THBS2: variants seen among roughly 807,000 people sequenced by gnomAD.
The protein encoded by THBS2 is thrombospondin-2.
In THBS2, 47 loss-of-function variants were observed where a neutral mutation model predicts 135.2. The observed-to-expected ratio is 0.35, with a 90% confidence interval of 0.28 to 0.44. THBS2 has a LOEUF of 0.44. THBS2 is among the 20% of genes least tolerant of loss of function. The probability of loss-of-function intolerance (pLI) is 1.00; values close to 1 mark genes in which losing one functional copy is unlikely to be tolerated. For missense variants in THBS2, 1,288 were observed against 1,603.1 expected, an observed-to-expected ratio of 0.80 and a Z score of 3.36; for synonymous variants, 639 against 633.8, an observed-to-expected ratio of 1.01 and a Z score of -0.12.
intron 7 of THBS2, among the ~76,000 whole-genome samples, chr6:169,238,188 A>G (rs1409018517): frequency 6.6e-6 from 1 of 152,226 alleles, no homozygotes; most frequent in Non-Finnish European, 1.5e-5. Context: ...ACGTATTTCC[A>G]TTTAACCTCT....
intron 3 of THBS2, among the ~76,000 whole-genome samples, chr6:169,247,502 T>C (rs940170045): frequency 2.0e-5 from 3 of 149,338 alleles, no homozygotes; most frequent in Non-Finnish European, 3.0e-5. Context: ...TGTATGCATC[T>C]ATATGATGTT....
chr6:169,248,460 C>A lies in THBS2; in HGVS notation c.566G>T (p.Arg189Leu). 6.2e-7 allele frequency: 1 copy of A among 1,612,462 alleles called. No individual in the cohort carries two copies. Among genetic ancestry groups the A allele is most frequent in the Non-Finnish European group, 8.5e-7 (1 of 1,178,726 alleles). The change falls in exon 3 of 22, where the codon CGG becomes CTG. Residue 189 changes from arginine to leucine, a missense_variant. Physicochemically the swap from Arg to Leu is moderately radical, Grantham distance 102. Coordinates refer to ENST00000617924, the MANE Select transcript of THBS2 (RefSeq NM_003247.5). Reference protein sequence around the residue: ...FYEHLQAEKSRMYVAKGSARE... With the variant: ...FYEHLQAEKSLMYVAKGSARE... ...GGCAGAGCCTTTGGCCACGTACATCCGGCTCTTTTCCGCCTGCAGGTGCTC... is the reference window on the plus strand; with the variant it reads ...GGCAGAGCCTTTGGCCACGTACATCAGGCTCTTTTCCGCCTGCAGGTGCTC...
At chr6:169,249,706 G>A (rs1470980817) in intron 2 of THBS2, among the ~76,000 whole-genome samples, 1 of 152,190 alleles carries the variant, frequency 6.6e-6, no homozygotes, top group Non-Finnish European at 1.5e-5. Context: ...GGCAAGAAAA[G>A]TGATCAGATC....
Position 169,232,192 on chromosome 6 carries a change from C to T in THBS2, c.1939G>A (p.Glu647Lys). The change falls in exon 13 of 22, where the codon GAG becomes AAG. Residue 647 changes from glutamate to lysine, a missense_variant. Glu to Lys is a moderately conservative substitution (Grantham distance 56). Around this residue, in one of 2 missense-constraint regions of THBS2, gnomAD observed 874 missense variants for 1,156.1 expected, o/e 0.76. Coordinates refer to ENST00000617924, the MANE Select transcript of THBS2 (RefSeq NM_003247.5). ...TTGTCCTTGCATGGGTTTTCGGGCT[C>T]ACACACCTACGGGGAGAAGGGCTGC... ...EAAKTEKQVCEPENPCKDKTH... is the reference protein window; with the variant it reads ...EAAKTEKQVCKPENPCKDKTH... The T allele has an allele frequency of 6.2e-7, 1 of 1,612,892 alleles. No homozygotes were observed. Among genetic ancestry groups the T allele is most frequent in the Middle Eastern group, 1.7e-4 (1 of 6,060 alleles).
intron 18 of THBS2, 120 bp downstream of exon 18, chr6:169,223,128 G>T: frequency 1.1e-6 from 1 of 887,270 alleles, no homozygotes; most frequent in Non-Finnish European, 1.7e-6. Context: ...TGGAAGGATG[G>T]GGGCTTCCAG....
intron 16 of THBS2, 102 bp downstream of exon 16, chr6:169,226,078 T>C: frequency 1.5e-6 from 2 of 1,326,106 alleles, no homozygotes; most frequent in Non-Finnish European, 2.1e-6. Context: ...TGGTCAGGGT[T>C]GTGCACCAGG....
At position 169,220,190 on chromosome 6, in the gene THBS2, A is replaced by C. The variant is rs375625251; in HGVS notation, c.3511+8T>G. ...CCTTCCCCACTAACCTGAAGTGCTC[A>C]CACTCACCTCTGCATTCGTACTTGA... On this transcript the variant is annotated splice_region_variant and intron_variant, in intron 21 of 21. Transcript: ENST00000617924. 3 of 1,612,500 alleles carry C rather than the reference A, an allele frequency of 1.9e-6. No homozygotes were observed. In the African/African-American group the frequency reaches 4.0e-5, roughly 22 times the overall value.
chr6:169,249,831 C>T (rs1270933729), intron 2 of THBS2, among the ~76,000 whole-genome samples: 3 of 152,126 alleles, frequency 2.0e-5, no homozygotes, highest in Non-Finnish European at 4.4e-5. Context: ...GAGACGGAGA[C>T]CATCATGGCT....
chr6:169,218,671 G>A (rs1325908377), intron 21 of THBS2, among the ~76,000 whole-genome samples: 16 of 114,112 alleles, frequency 1.4e-4, no homozygotes, highest in Admixed American at 6.1e-4. Context: ...ATGGATGGGC[G>A]GATGAGTAGA....
At chr6:169,244,917 C>G (rs1780491692) in intron 4 of THBS2, among the ~76,000 whole-genome samples, 1 of 152,226 alleles carries the variant, frequency 6.6e-6, no homozygotes, top group Non-Finnish European at 1.5e-5. Context: ...TCCTTCCTCA[C>G]AGGACGTGCA....
chr6:169,218,359 T>TGATGGATG (rs150572952), intron 21 of THBS2, among the ~76,000 whole-genome samples: 2 of 131,956 alleles, frequency 1.5e-5, no homozygotes, highest in Admixed American at 7.5e-5. Context: ...TGAGATGAAT[T>TGATGGATG]GATGGATGGA....
intron 9 of THBS2, among the ~76,000 whole-genome samples, chr6:169,236,436 CCA>C (rs1308697439): frequency 7.4e-6 from 1 of 135,434 alleles, no homozygotes; most frequent in Non-Finnish European, 1.6e-5. Context: ...CACTCCCCAT[CCA>C]CACTCATTGC....
rs1317152018 is a variant in THBS2, at chr6:169,248,859, C to A, written c.167G>T (p.Arg56Leu). The change falls in exon 3 of 22, where the codon CGC becomes CTC. Residue 56 changes from arginine (R) to leucine (L), a missense_variant. By Grantham distance (102) the Arg-to-Leu change is moderately radical. This residue lies in a region of THBS2 where 414 missense variants were observed against 447.0 expected (regional missense o/e 0.93). Transcript: ENST00000617924. ...RGPDPGVPAY[R>L]FVRFDYIPPV... Reference sequence around the variant, plus strand: ...TGGGATGTAGTCAAAGCGCACGAAGCGGTAAGCCGGCACGCCGGGGTCGGG... The same window carrying A: ...TGGGATGTAGTCAAAGCGCACGAAGAGGTAAGCCGGCACGCCGGGGTCGGG... 6.2e-7 allele frequency: 1 copy of A among 1,611,938 alleles called. No individual in the cohort carries two copies. Among genetic ancestry groups the A allele is most frequent in the Non-Finnish European group, 8.5e-7 (1 of 1,180,012 alleles).
chr6:169,236,470 CACTCCCCA>C (rs1410614714), intron 9 of THBS2, among the ~76,000 whole-genome samples: 3 of 106,096 alleles, frequency 2.8e-5, no homozygotes, highest in African/African-American at 9.6e-5. Flanking sequence ...CATCCACACT[CACTCCCCA>C]TCCACACTCA....
intron 21 of THBS2, among the ~76,000 whole-genome samples, chr6:169,218,638 G>A (rs1490846664): frequency 3.1e-5 from 3 of 95,888 alleles, no homozygotes; most frequent in Non-Finnish European, 7.5e-5. Flanking sequence ...TGGATGAGAT[G>A]GATGGTTGGG....
intron 9 of THBS2, among the ~76,000 whole-genome samples, chr6:169,236,181 TCC>T (rs1562359900): frequency 3.2e-5 from 2 of 62,644 alleles, no homozygotes; most frequent in Non-Finnish European, 3.0e-5. Flanking sequence ...CCACACTCAT[TCC>T]CCATCCACAC....
chr6:169,253,578 T>G (rs1371144474), intron 1 of THBS2, 146 bp downstream of exon 1: 1 of 152,226 alleles, frequency 6.6e-6, no homozygotes, highest in Non-Finnish European at 1.5e-5. Flanking sequence ...ACACTTGCCA[T>G]TTAGTGTTAA....
At chr6:169,247,563 GGTAT>G (rs1254077022) in intron 3 of THBS2, among the ~76,000 whole-genome samples, 3 of 152,060 alleles carry the variant, frequency 2.0e-5, no homozygotes, top group Non-Finnish European at 4.4e-5. Flanking sequence ...TGTTTGTGTA[GGTAT>G]GTAAATGTGA....
At chr6:169,219,497 A>G (rs1208351088) in intron 21 of THBS2, among the ~76,000 whole-genome samples, 1 of 152,038 alleles carries the variant, frequency 6.6e-6, no homozygotes, top group Non-Finnish European at 1.5e-5. Context: ...AGGAGAAGAA[A>G]ACCTCCACAG....
Sources: gnomAD v4.1 joint callset for allele counts (sites outside exome capture counted in the v4.1 genomes callset) on GRCh38, gnomAD v4.1.1 for gene constraint, gnomAD v4.1.1 regional missense constraint, MANE v1.5 for transcripts, NCBI Gene and HGNC (gene_info 2026-07-23, HGNC 2026-07-21) for gene names.